Variants in SH3GL3 observed in about 807,000 individuals in gnomAD.
SH3GL3 encodes endophilin-A3.
A neutral mutation model predicts 47.7 loss-of-function variants in SH3GL3; 33 were observed. That is an observed-to-expected ratio of 0.69 (90% CI 0.52 to 0.92). The LOEUF (loss-of-function observed/expected upper bound fraction) is 0.92, where lower values mean the gene tolerates loss of function less well. Among genes scored for constraint, SH3GL3 ranks in the 40% least tolerant of loss-of-function variants. The pLI, the probability that SH3GL3 is intolerant of heterozygous loss-of-function variation, is 0.00. For missense variants in SH3GL3, 363 were observed against 417.8 expected, an observed-to-expected ratio of 0.87 and a Z score of 1.14; for synonymous variants, 155 against 148.8, an observed-to-expected ratio of 1.04 and a Z score of -0.30.
At chr15:83,475,203 C>T (rs1401972491) in intron 1 of SH3GL3, among the ~76,000 whole-genome samples, 2 of 151,760 alleles carry the variant, frequency 1.3e-5, no homozygotes. Context: ...CTAGGCTGGG[C>T]ACAGTGGCTC....
In SH3GL3 at chr15:83,587,048, A is replaced by G; in HGVS notation, c.690A>G (p.Thr230=). The G allele has an allele frequency of 6.2e-7, 1 of 1,610,840 alleles. No homozygotes were observed. The highest frequency in any genetic ancestry group is 8.5e-7 in the Non-Finnish European group (1 of 1,178,292). The stretch of plus-strand genomic sequence containing the variant: ...CATTAGACTATCACAGACAGTCCAC[A>G]GAGATTCTGCAGGAGCTGCAGAGCA... ...EAALDYHRQS[T]EILQELQSKL... The change falls in exon 7 of 9, where the codon ACA becomes ACG. Residue 230 remains threonine, a synonymous_variant. Transcript: ENST00000427482.
At chr15:83,555,292 T>C (rs1567332958) in intron 1 of SH3GL3, among the ~76,000 whole-genome samples, 1 of 152,248 alleles carries the variant, frequency 6.6e-6, no homozygotes, top group Non-Finnish European at 1.5e-5. Flanking sequence ...TCTATCATTT[T>C]AATAATATCC....
intron 1 of SH3GL3, among the ~76,000 whole-genome samples, chr15:83,554,592 T>C (rs2044845053): frequency 6.6e-6 from 1 of 152,158 alleles, no homozygotes; most frequent in Non-Finnish European, 1.5e-5. Flanking sequence ...TTCACCATGT[T>C]GGCCAGGCTG....
At chr15:83,509,952 G>A (rs369612709) in intron 1 of SH3GL3, among the ~76,000 whole-genome samples, 1 of 151,992 alleles carries the variant, frequency 6.6e-6, no homozygotes, top group South Asian at 2.1e-4. Flanking sequence ...TTTCACTTTG[G>A]GCCCACACAC....
chr15:83,613,440 A>T (rs1164105771), intron 8 of SH3GL3, among the ~76,000 whole-genome samples: 1 of 152,174 alleles, frequency 6.6e-6, no homozygotes, highest in African/African-American at 2.4e-5. Flanking sequence ...GAAGTGAGTA[A>T]TGCAGCTTTT....
At chr15:83,603,965 T>C (rs1809414879) in intron 8 of SH3GL3, among the ~76,000 whole-genome samples, 1 of 152,068 alleles carries the variant, frequency 6.6e-6, no homozygotes, top group African/African-American at 2.4e-5. Context: ...AGAAACCCCA[T>C]CTCTACTAAA....
At position 83,542,735 on chromosome 15, in the gene SH3GL3, G is replaced by T. The variant is rs79796377; in HGVS notation, c.46-16518G>T. Among the ~76,000 whole-genome samples, 1,304 of 152,156 alleles carry T rather than the reference G, an allele frequency of 8.6e-3. 55 individuals are homozygous for T. The East Asian group carries it at 0.12, about 14-fold the overall frequency. On this transcript the variant is annotated intron_variant, in intron 1 of 8. Transcript: ENST00000427482. Reference sequence around the variant, plus strand: ...TATGTAATTTGTAGCAATTGTAAATGTGTTTACTTTATTGATTTCTTTTTC... The same window carrying T: ...TATGTAATTTGTAGCAATTGTAAATTTGTTTACTTTATTGATTTCTTTTTC...
intron 1 of SH3GL3, among the ~76,000 whole-genome samples, chr15:83,529,462 T>C (rs2043567724): frequency 6.6e-6 from 1 of 152,000 alleles, no homozygotes; most frequent in Admixed American, 6.5e-5. Context: ...ATGGGCTGGG[T>C]GGCCCCTCCT....
At chr15:83,476,504 G>A (rs2041104805) in intron 1 of SH3GL3, among the ~76,000 whole-genome samples, 2 of 152,132 alleles carry the variant, frequency 1.3e-5, no homozygotes, top group Admixed American at 1.3e-4. Context: ...CAAACATTTG[G>A]CCTGTGGGCC....
At chr15:83,539,517 T>C (rs2044065076) in intron 1 of SH3GL3, among the ~76,000 whole-genome samples, 1 of 152,238 alleles carries the variant, frequency 6.6e-6, no homozygotes, top group Non-Finnish European at 1.5e-5. Context: ...ATTCAAGCCA[T>C]AGCAGAAATC....
intron 1 of SH3GL3, among the ~76,000 whole-genome samples, chr15:83,456,102 C>A (rs1257271923): frequency 3.3e-5 from 3 of 91,074 alleles, no homozygotes; most frequent in Non-Finnish European, 4.7e-5. Context: ...ATGGGGGGTG[C>A]CTCCCAGTTA....
chr15:83,608,739 GC>G (rs761390329), intron 8 of SH3GL3, among the ~76,000 whole-genome samples: 276 of 141,690 alleles, frequency 1.9e-3, no homozygotes, highest in Non-Finnish European at 3.5e-3. Context: ...GTTTCTACCC[GC>G]CCCCCACTCC....
At chr15:83,504,979 T>C (rs1468386347) in intron 1 of SH3GL3, among the ~76,000 whole-genome samples, 2 of 152,226 alleles carry the variant, frequency 1.3e-5, no homozygotes. Context: ...TGCATATTTT[T>C]ACCTATTTTA....
chr15:83,553,212 AAAAAAAC>A (rs1488214625), intron 1 of SH3GL3, among the ~76,000 whole-genome samples: 10 of 152,140 alleles, frequency 6.6e-5, no homozygotes, highest in African/African-American at 2.2e-4. Context: ...ACCCTGTCTC[AAAAAAAC>A]AAAAAACAAA....
At position 83,576,617 on chromosome 15, in the gene SH3GL3, A is replaced by G. The variant is rs575048330; in HGVS notation, c.500A>G (p.Asp167Gly). The change falls in exon 6 of 9, where the codon GAT becomes GGT. Residue 167 changes from aspartate to glycine, a missense_variant. Coordinates refer to ENST00000427482, the MANE Select transcript of SH3GL3 (RefSeq NM_003027.5). ...HLKKLEGRRL[D>G]YDYKKKRVGK... is the part of the protein sequence containing the mutation. The stretch of plus-strand genomic sequence containing the variant: ...AAAAAGCTGGAAGGCCGCCGCCTGG[A>G]TTACGATTATAAAAAGAAACGAGTA... 5.0e-6 allele frequency: 8 copies of G among 1,612,384 alleles called. No homozygotes were observed. The highest frequency in any genetic ancestry group is 1.1e-5 in the South Asian group (1 of 90,820).
intron 8 of SH3GL3, among the ~76,000 whole-genome samples, chr15:83,606,684 C>T (rs1373677002): frequency 6.6e-6 from 1 of 152,074 alleles, no homozygotes; most frequent in East Asian, 1.9e-4. Context: ...ACAAGAGTCC[C>T]ATGTTATAGT....
chr15:83,599,035 G>A (rs1475514112), intron 8 of SH3GL3, among the ~76,000 whole-genome samples: 1 of 152,160 alleles, frequency 6.6e-6, no homozygotes, highest in Non-Finnish European at 1.5e-5. Context: ...TGTTTTTAAA[G>A]ATTTTGATGA....
chr15:83,458,728 C>T (rs2040122800), intron 1 of SH3GL3, among the ~76,000 whole-genome samples: 1 of 152,142 alleles, frequency 6.6e-6, no homozygotes. Context: ...GCTTCCAATC[C>T]CATCTCCTCT....
At chr15:83,628,522 C>T in the SH3GL3 span, among the ~76,000 whole-genome samples, 2 of 152,092 alleles carry the variant, frequency 1.3e-5, no homozygotes, top group East Asian at 3.9e-4. Context: ...GTAGGTGGAT[C>T]ACATGAGGTC....
Sources: gnomAD v4.1 joint callset for allele counts (sites outside exome capture counted in the v4.1 genomes callset) on GRCh38, gnomAD v4.1.1 for gene constraint, MANE v1.5 for transcripts, NCBI Gene and HGNC (gene_info 2026-07-23, HGNC 2026-07-21) for gene names.